Variants in SCML4 observed in about 807,000 individuals in gnomAD.
The protein encoded by SCML4 is sex comb on midleg-like protein 4.
Under a neutral mutation model 41.1 loss-of-function variants are expected in SCML4, and 34 were observed. The ratio of observed to expected loss-of-function variants is 0.83; its 90% confidence interval spans 0.63 to 1.10. The LOEUF is 1.10. Among genes scored for constraint, SCML4 ranks in the 50% least tolerant of loss-of-function variants. The pLI is 0.00. For synonymous variants in SCML4, 214 were observed against 220.9 expected (o/e 0.97, Z 0.28); for missense variants, 522 against 534.1 (o/e 0.98, Z 0.22).
intron 1 of SCML4, among the ~76,000 whole-genome samples, chr6:107,813,371 T>TAAAAAA (rs1562284376): frequency 1.5e-3 from 3 of 1,948 alleles, no homozygotes; most frequent in African/African-American, 4.2e-3. Flanking sequence ...TCAAAAAAAT[T>TAAAAAA]ATATATATAT....
chr6:107,734,591 A>C (rs1776872404), intron 5 of SCML4, among the ~76,000 whole-genome samples: 1 of 152,240 alleles, frequency 6.6e-6, no homozygotes, highest in South Asian at 2.1e-4. Context: ...TCTTTAAAAA[A>C]GAGATTACAT....
the SCML4 span, among the ~76,000 whole-genome samples, chr6:107,837,128 C>A: frequency 1.3e-5 from 2 of 152,304 alleles, no homozygotes; most frequent in South Asian, 4.1e-4. Context: ...CTCTGGTAGA[C>A]ATCACATGGC....
intron 5 of SCML4, among the ~76,000 whole-genome samples, chr6:107,731,640 G>A (rs1440691635): frequency 6.6e-6 from 1 of 152,174 alleles, no homozygotes. Flanking sequence ...GCCCAGCCCT[G>A]CCGACCCCCA....
upstream of SCML4, among the ~76,000 whole-genome samples, chr6:107,826,860 G>A (rs1432141616): frequency 3.3e-5 from 5 of 152,114 alleles, no homozygotes; most frequent in African/African-American, 1.2e-4. Flanking sequence ...TCAGGAGATC[G>A]AGACCATCCT....
intron 2 of SCML4, among the ~76,000 whole-genome samples, chr6:107,770,751 C>A (rs2114567503): frequency 6.6e-6 from 1 of 152,282 alleles, no homozygotes. Context: ...TTCTTCCTGG[C>A]CCCAGGAATG....
At chr6:107,729,518 A>T (rs961741274) in intron 5 of SCML4, among the ~76,000 whole-genome samples, 1 of 152,214 alleles carries the variant, frequency 6.6e-6, no homozygotes, top group Non-Finnish European at 1.5e-5. Flanking sequence ...TCCCATTTCC[A>T]AAAAGGGTTC....
intron 5 of SCML4, among the ~76,000 whole-genome samples, 192 bp from the exon 6 acceptor site, chr6:107,721,185 A>G (rs2748442): frequency 6.6e-6 from 1 of 152,202 alleles, no homozygotes; most frequent in Non-Finnish European, 1.5e-5. Context: ...TGCTTTGCCC[A>G]CAGGAGCATA....
chr6:107,799,999 G>A (rs923645581), intron 1 of SCML4, among the ~76,000 whole-genome samples: 12 of 151,180 alleles, frequency 7.9e-5, no homozygotes, highest in Non-Finnish European at 1.5e-4. Flanking sequence ...ATCCACAGTG[G>A]GAATGTGGTT....
chr6:107,739,158 T>C (rs1392871656), intron 5 of SCML4, among the ~76,000 whole-genome samples: 1 of 152,136 alleles, frequency 6.6e-6, no homozygotes, highest in East Asian at 1.9e-4. Context: ...TGGGGATCTG[T>C]TGTTTGAAAG....
At chr6:107,776,336 A>T (rs966500889) in intron 1 of SCML4, among the ~76,000 whole-genome samples, 2 of 152,330 alleles carry the variant, frequency 1.3e-5, no homozygotes, top group Non-Finnish European at 2.9e-5. Context: ...ATTGAAACTA[A>T]TAGCAAAAAC....
intron 6 of SCML4, among the ~76,000 whole-genome samples, chr6:107,715,500 G>A (rs1410038535): frequency 1.3e-5 from 2 of 151,778 alleles, no homozygotes; most frequent in African/African-American, 4.9e-5. Context: ...CCTAGTTGTG[G>A]TTGGGAATTC....
At chr6:107,818,198 G>A (rs891313938) in intron 1 of SCML4, among the ~76,000 whole-genome samples, 17 of 151,964 alleles carry the variant, frequency 1.1e-4, no homozygotes, top group African/African-American at 3.6e-4. Context: ...GAATATGCTC[G>A]GGCACCTTTG....
At chr6:107,793,068 G>T (rs1348038172) in intron 1 of SCML4, among the ~76,000 whole-genome samples, 3 of 152,184 alleles carry the variant, frequency 2.0e-5, no homozygotes, top group Non-Finnish European at 4.4e-5. Context: ...AAGGGAGTTA[G>T]CTTGGACAGA....
chr6:107,830,577 C>T, the SCML4 span, among the ~76,000 whole-genome samples: 5 of 152,102 alleles, frequency 3.3e-5, no homozygotes, highest in East Asian at 9.6e-4. Flanking sequence ...TAGTGCAGAG[C>T]CTAGGCCGTA....
At chr6:107,715,878 T>C (rs1774732611) in intron 6 of SCML4, among the ~76,000 whole-genome samples, 1 of 152,196 alleles carries the variant, frequency 6.6e-6, no homozygotes, top group Admixed American at 6.5e-5. Flanking sequence ...TTTCTAAGTC[T>C]CTTCCATGGT....
At chr6:107,801,663 G>T (rs1307858975) in intron 1 of SCML4, among the ~76,000 whole-genome samples, 2 of 152,212 alleles carry the variant, frequency 1.3e-5, no homozygotes, top group Non-Finnish European at 2.9e-5. Context: ...CATATGCAAA[G>T]TTCCTGGAAG....
At chr6:107,765,073 G>A (rs1057046899) in intron 2 of SCML4, among the ~76,000 whole-genome samples, 1 of 152,162 alleles carries the variant, frequency 6.6e-6, no homozygotes, top group African/African-American at 2.4e-5. Flanking sequence ...AAATAAAGTA[G>A]GATTCAGAAA....
intron 2 of SCML4, among the ~76,000 whole-genome samples, chr6:107,758,136 T>C (rs1433900200): frequency 6.6e-6 from 1 of 152,248 alleles, no homozygotes; most frequent in Admixed American, 6.5e-5. Flanking sequence ...GGAACTGTTC[T>C]AGGTGCTGAA....
At chr6:107,804,926 C>T (rs1410067737) in intron 1 of SCML4, among the ~76,000 whole-genome samples, 1 of 152,174 alleles carries the variant, frequency 6.6e-6, no homozygotes, top group East Asian at 1.9e-4. Context: ...GCTGTGTTCG[C>T]ACCACTGTAC....
Sources: gnomAD v4.1 joint callset for allele counts (sites outside exome capture counted in the v4.1 genomes callset) on GRCh38, gnomAD v4.1.1 for gene constraint, MANE v1.5 for transcripts, NCBI Gene and HGNC (gene_info 2026-07-23, HGNC 2026-07-21) for gene names.